The following CNBD1 variants were observed in gnomAD, a reference collection of about 807,000 sequenced individuals.
The protein encoded by CNBD1 is cyclic nucleotide binding domain containing 1, also known as cyclic nucleotide-binding domain-containing protein 1.
A neutral mutation model predicts 54.4 loss-of-function variants in CNBD1; 71 were observed. The observed-to-expected ratio is 1.30, with a 90% CI of 1.08 to 1.59. CNBD1 has a LOEUF of 1.59. Ranked by LOEUF, CNBD1 falls within the 40% of genes most tolerant of loss-of-function variation. The probability of loss-of-function intolerance (pLI) is 0.00; values close to 1 mark genes in which losing one functional copy is unlikely to be tolerated. For synonymous variants in CNBD1, 182 were observed against 170.7 expected (o/e 1.07, Z -0.51); for missense variants, 659 against 518.0 (o/e 1.27, Z -2.64).
At chr8:87,102,627 T>C (rs1811453498) in intron 4 of CNBD1, among the ~76,000 whole-genome samples, 1 of 152,066 alleles carries the variant, frequency 6.6e-6, no homozygotes, top group Non-Finnish European at 1.5e-5. Flanking sequence ...TGTTTGTTTG[T>C]TTTTGAGACA....
intron 4 of CNBD1, among the ~76,000 whole-genome samples, chr8:86,961,378 A>T (rs772382202): frequency 1.4e-4 from 21 of 152,248 alleles, no homozygotes; most frequent in Non-Finnish European, 2.8e-4. Context: ...AAAGGAGAAC[A>T]TCACAAGTTA....
intron 3 of CNBD1, among the ~76,000 whole-genome samples, chr8:86,928,435 C>T (rs1809401703): frequency 6.6e-6 from 1 of 152,136 alleles, no homozygotes. Flanking sequence ...TCTCCAGGCA[C>T]AGTGAAGGTT....
chr8:86,974,518 G>C (rs1808297466), intron 4 of CNBD1, among the ~76,000 whole-genome samples: 1 of 152,018 alleles, frequency 6.6e-6, no homozygotes, highest in Non-Finnish European at 1.5e-5. Context: ...ATTCACAATA[G>C]AATGGTTGTA....
At chr8:86,974,790 C>T (rs1808303191) in intron 4 of CNBD1, among the ~76,000 whole-genome samples, 1 of 151,896 alleles carries the variant, frequency 6.6e-6, no homozygotes, top group Non-Finnish European at 1.5e-5. Context: ...ATGTTCTATT[C>T]TTAAGCTGGA....
chr8:87,325,780 A>T lies in CNBD1; in HGVS notation c.1043-25905A>T, dbSNP rs977802712. ...CCAACTTGCCAGTCTGTGTCTTTTA[A>T]TTGGAGCATTTAGTCCATTTACATT... On this transcript the variant is annotated intron_variant, in intron 8 of 10. Transcript: ENST00000518476. 3.8e-3 allele frequency among the ~76,000 whole-genome samples: 570 copies of T among 148,968 alleles called. 6 individuals carry two copies. Among genetic ancestry groups the T allele is most frequent in the African/African-American group, 0.014 (544 of 39,950 alleles).
At chr8:86,934,607 G>T (rs747167240) in intron 3 of CNBD1, among the ~76,000 whole-genome samples, 8 of 152,066 alleles carry the variant, frequency 5.3e-5, no homozygotes, top group Admixed American at 4.6e-4. Context: ...TATAATATTT[G>T]CTGTATTTTG....
intron 6 of CNBD1, among the ~76,000 whole-genome samples, chr8:87,278,567 A>G (rs1482584072): frequency 1.3e-5 from 2 of 151,614 alleles, no homozygotes; most frequent in African/African-American, 2.4e-5. Flanking sequence ...CAGTAAAACC[A>G]TCTTTTTGAA....
intron 4 of CNBD1, among the ~76,000 whole-genome samples, chr8:87,107,723 T>A (rs1250713974): frequency 7.1e-6 from 1 of 140,220 alleles, no homozygotes; most frequent in East Asian, 2.0e-4. Flanking sequence ...AATCACTCCC[T>A]TTTAGTTGTC....
intron 2 of CNBD1, among the ~76,000 whole-genome samples, chr8:86,903,909 G>C (rs1808976961): frequency 6.6e-6 from 1 of 151,648 alleles, no homozygotes; most frequent in Non-Finnish European, 1.5e-5. Flanking sequence ...TCAGTGGTCA[G>C]ATTTTAAAAA....
intron 4 of CNBD1, among the ~76,000 whole-genome samples, chr8:86,953,820 TC>T: frequency 6.8e-6 from 1 of 146,752 alleles, no homozygotes; most frequent in African/African-American, 2.7e-5. Context: ...TGAGCCAAGA[TC>T]GTGCTACTGC....
In CNBD1 at chr8:87,416,066, C is replaced by G. The variant is rs369972441; in HGVS notation, c.214-12480C>G. On this transcript the variant is annotated intron_variant, in intron 2 of 7. Transcript: ENST00000521593. ...AAGCTTTACTATAAATAAGTTGGAA[C>G]ACTTTCTCAATACAACAATGTTCTC... Among the ~76,000 whole-genome samples, 21 of 151,938 alleles carry G rather than the reference C, an allele frequency of 1.4e-4. No individual in the cohort carries two copies. In the East Asian group the frequency reaches 1.9e-3, roughly 14 times the overall value.
At chr8:86,888,950 A>G (rs1808725264) in intron 2 of CNBD1, among the ~76,000 whole-genome samples, 1 of 152,144 alleles carries the variant, frequency 6.6e-6, no homozygotes, top group Non-Finnish European at 1.5e-5. Flanking sequence ...AAATGTGATC[A>G]GCCTTACTCT....
chr8:87,037,865 G>T (rs1783353276), intron 4 of CNBD1, among the ~76,000 whole-genome samples: 1 of 152,100 alleles, frequency 6.6e-6, no homozygotes, highest in South Asian at 2.1e-4. Context: ...ACAATAAAAT[G>T]TTCATTCAAA....
At chr8:87,416,686 G>T (rs189776986) in intron 2 of CNBD1, among the ~76,000 whole-genome samples, 3 of 152,090 alleles carry the variant, frequency 2.0e-5, no homozygotes, top group Admixed American at 2.0e-4. Context: ...TTTTTCCCAG[G>T]GGTGTTTGTT....
At chr8:86,946,874 T>G (rs531586843) in intron 4 of CNBD1, among the ~76,000 whole-genome samples, 1 of 152,196 alleles carries the variant, frequency 6.6e-6, no homozygotes, top group Admixed American at 6.5e-5. Flanking sequence ...TAAAGTCATC[T>G]TGAATGGTAG....
At chr8:87,402,842 A>G (rs1232744488) in intron 2 of CNBD1, among the ~76,000 whole-genome samples, 1 of 152,110 alleles carries the variant, frequency 6.6e-6, no homozygotes, top group Non-Finnish European at 1.5e-5. Context: ...AAGCAAAGCC[A>G]TCTAATGGAG....
At position 86,969,927 on chromosome 8, in the gene CNBD1, C is replaced by A. The variant is rs1808182586; in HGVS notation, c.431+30173C>A. 2.6e-5 allele frequency among the ~76,000 whole-genome samples: 4 copies of A among 151,714 alleles called. 1 individual carries two copies. In the South Asian group the frequency reaches 6.2e-4, roughly 24 times the overall value. On this transcript the variant is annotated intron_variant, in intron 4 of 10. Coordinates refer to ENST00000518476, the MANE Select transcript of CNBD1 (RefSeq NM_173538.3). ...AGATTTACTCCTATTTTTAAACTTGCATTTCTTTTCATTTTTTTTCTGCCT... is the reference window on the plus strand; with the variant it reads ...AGATTTACTCCTATTTTTAAACTTGAATTTCTTTTCATTTTTTTTCTGCCT...
chr8:87,306,128 A>C (rs1362549040), intron 8 of CNBD1, among the ~76,000 whole-genome samples: 1 of 152,194 alleles, frequency 6.6e-6, no homozygotes, highest in Admixed American at 6.6e-5. Flanking sequence ...AAGATATACA[A>C]ATGTCCAACA....
intron 4 of CNBD1, among the ~76,000 whole-genome samples, chr8:87,123,191 C>G (rs567132433): frequency 6.6e-6 from 1 of 151,888 alleles, no homozygotes; most frequent in East Asian, 1.9e-4. Context: ...AAAGAATATT[C>G]CACTCAACAG....
Sources: allele counts gnomAD v4.1 joint callset (sites outside exome capture counted in the v4.1 genomes callset), GRCh38; gene constraint gnomAD v4.1.1; transcripts MANE v1.5; gene names NCBI Gene and HGNC (gene_info 2026-07-23, HGNC 2026-07-21).